The following XRCC4 variants were observed in gnomAD, a reference collection of about 807,000 sequenced individuals.
XRCC4 encodes the protein X-ray repair cross complementing 4.
Under a neutral mutation model 39.1 loss-of-function variants are expected in XRCC4, and 28 were observed. The observed-to-expected ratio is 0.72, with a 90% CI of 0.53 to 0.98. The LOEUF (loss-of-function observed/expected upper bound fraction) is 0.98. XRCC4 is among the 50% of genes least tolerant of loss of function. The probability of loss-of-function intolerance (pLI) is 0.00; values close to 1 mark genes in which losing one functional copy is unlikely to be tolerated. For missense variants in XRCC4, 350 were observed against 376.4 expected (o/e 0.93, Z 0.58); for synonymous variants, 123 against 126.4 (o/e 0.97, Z 0.18).
chr5:83,079,889 G>A (rs183227029), intron 1 of XRCC4, among the ~76,000 whole-genome samples: 41 of 152,106 alleles, frequency 2.7e-4, no homozygotes, highest in Admixed American at 2.2e-3. Context: ...TTCCAACTTT[G>A]GTTTCATGGG....
intron 7 of XRCC4, among the ~76,000 whole-genome samples, chr5:83,298,735 T>C (rs67078790): frequency 0.1 from 15,702 of 151,920 alleles, 1,425 homozygotes; most frequent in African/African-American, 0.24. Flanking sequence ...TATCTACTCT[T>C]AAATTACAAC....
At chr5:83,218,268 T>A (rs1751948528) in intron 6 of XRCC4, among the ~76,000 whole-genome samples, 1 of 133,998 alleles carries the variant, frequency 7.5e-6, no homozygotes, top group Non-Finnish European at 1.5e-5. Context: ...TTAATATGCA[T>A]GGTGATAAAG....
At chr5:83,087,373 T>G (rs1745229856) in intron 1 of XRCC4, among the ~76,000 whole-genome samples, 1 of 151,030 alleles carries the variant, frequency 6.6e-6, no homozygotes, top group Non-Finnish European at 1.5e-5. Flanking sequence ...ATAAAATTTG[T>G]CCTGGTTGGC....
chr5:83,082,292 A>G (rs1744979929), intron 1 of XRCC4, among the ~76,000 whole-genome samples: 1 of 152,208 alleles, frequency 6.6e-6, no homozygotes. Flanking sequence ...GCAATATGTT[A>G]TGCTAGATTG....
chr5:83,255,538 A>T (rs1273771394), intron 6 of XRCC4, among the ~76,000 whole-genome samples: 1 of 152,240 alleles, frequency 6.6e-6, no homozygotes, highest in African/African-American at 2.4e-5. Flanking sequence ...TATTTGTGGT[A>T]TAATAATGAT....
chr5:83,315,087 T>A (rs931381044), intron 7 of XRCC4, among the ~76,000 whole-genome samples: 1 of 152,174 alleles, frequency 6.6e-6, no homozygotes, highest in South Asian at 2.1e-4. Context: ...AAATTAAAAG[T>A]GCTACTTCAG....
intron 3 of XRCC4, among the ~76,000 whole-genome samples, chr5:83,155,073 G>A (rs1260208200): frequency 1.3e-5 from 2 of 152,062 alleles, no homozygotes; most frequent in Non-Finnish European, 2.9e-5. Flanking sequence ...CCTGGGGCTG[G>A]GGCAGGAGAA....
At chr5:83,104,788 G>A (rs71638240) in intron 1 of XRCC4, 122 bp from the exon 2 acceptor site, 35 of 796,868 alleles carry the variant, frequency 4.4e-5, no homozygotes, top group Non-Finnish European at 6.3e-5. Flanking sequence ...CTATTATACA[G>A]TTTTTTTGTT....
intron 3 of XRCC4, among the ~76,000 whole-genome samples, chr5:83,163,300 A>G (rs961843166): frequency 2.0e-5 from 3 of 152,136 alleles, no homozygotes; most frequent in African/African-American, 7.2e-5. Context: ...CAGTCTGCAA[A>G]AAATATAATT....
At chr5:83,309,359 A>T (rs1443139112) in intron 7 of XRCC4, among the ~76,000 whole-genome samples, 2 of 146,068 alleles carry the variant, frequency 1.4e-5, no homozygotes, top group African/African-American at 5.0e-5. Context: ...ACAAATATTG[A>T]AATATCGACA....
intron 4 of XRCC4, 100 bp from the exon 5 acceptor site, chr5:83,203,452 T>C: frequency 9.6e-7 from 1 of 1,038,792 alleles, no homozygotes; most frequent in Non-Finnish European, 1.3e-6. Context: ...AAATAATCTT[T>C]AATTGTATTT....
At chr5:83,201,988 G>A (rs1479367493) in intron 4 of XRCC4, 1 of 151,218 alleles carries the variant, frequency 6.6e-6, no homozygotes, top group Non-Finnish European at 1.5e-5. Flanking sequence ...GTTGTAGTGA[G>A]TGGAGATCGT....
intron 7 of XRCC4, among the ~76,000 whole-genome samples, chr5:83,277,379 G>A (rs1754371452): frequency 6.6e-6 from 1 of 152,188 alleles, no homozygotes; most frequent in Non-Finnish European, 1.5e-5. Context: ...ATAGCAACTG[G>A]CAAAGTTGGT....
chr5:83,271,125 A>G (rs185688482), intron 7 of XRCC4, among the ~76,000 whole-genome samples: 57 of 152,250 alleles, frequency 3.7e-4, no homozygotes, highest in Non-Finnish European at 6.3e-4. Context: ...AATTTTGAAA[A>G]TTCTTATTTC....
rs192052701 is a variant in XRCC4 at position 83,127,156 on chromosome 5, A to G, written c.315+15953A>G. Among the ~76,000 whole-genome samples the G allele has an allele frequency of 3.2e-4, 48 of 152,056 alleles. 1 individual carries two copies. Among genetic ancestry groups the G allele is most frequent in the Admixed American group, 2.8e-3 (43 of 15,256 alleles). On this transcript the variant is annotated intron_variant, in intron 3 of 7. Transcript: ENST00000396027. ...TTTTGGGGCTACTGGGATGGAATGG[A>G]TGTATTTTGTGTGTTATAAGGACAT...
Position 83,284,073 on chromosome 5 carries a change from A to C in XRCC4, c.893+25396A>C, listed in dbSNP as rs897700687. ...AGAGCAAAAAAAAAAAAAAAAAAAA[A>C]AAAAACGAATAATTCATGATGAAAG... On this transcript the variant is annotated intron_variant, in intron 7 of 7. Transcript: ENST00000396027. Among the ~76,000 whole-genome samples, 50 of 151,060 alleles carry C rather than the reference A, an allele frequency of 3.3e-4. 1 individual carries two copies. The highest frequency in any genetic ancestry group is 2.4e-3 in the Admixed American group (37 of 15,190).
intron 7 of XRCC4, chr5:83,310,972 TA>T: frequency 2.6e-6 from 1 of 383,160 alleles, no homozygotes; most frequent in South Asian, 2.0e-5. Context: ...GGAGGGAGTG[TA>T]GCCCTGCCAA....
intron 7 of XRCC4, among the ~76,000 whole-genome samples, chr5:83,290,188 T>A (rs1754869877): frequency 6.6e-6 from 1 of 151,844 alleles, no homozygotes; most frequent in Non-Finnish European, 1.5e-5. Flanking sequence ...ATAAAAAAAG[T>A]AATTGACTTT....
intron 4 of XRCC4, among the ~76,000 whole-genome samples, chr5:83,202,785 A>G (rs1751263638): frequency 6.6e-6 from 1 of 152,218 alleles, no homozygotes; most frequent in Non-Finnish European, 1.5e-5. Context: ...GCATATATTA[A>G]GTATATACAA....
Sources: gnomAD v4.1 joint callset for allele counts (sites outside exome capture counted in the v4.1 genomes callset) on GRCh38, gnomAD v4.1.1 for gene constraint, MANE v1.5 for transcripts, NCBI Gene and HGNC (gene_info 2026-07-23, HGNC 2026-07-21) for gene names.